The following GNG12 variants were observed in gnomAD, a reference collection of about 807,000 sequenced individuals.
The protein encoded by GNG12 is guanine nucleotide-binding protein G(I)/G(S)/G(O) subunit gamma-12.
For missense variants in GNG12, 69 were observed against 83.8 expected (o/e 0.82, Z 0.69); for synonymous variants, 28 against 29.7 (o/e 0.94, Z 0.19).
chr1:67,809,272 T>C (rs533981930), intron 1 of GNG12, among the ~76,000 whole-genome samples: 1 of 152,204 alleles, frequency 6.6e-6, no homozygotes, highest in Non-Finnish European at 1.5e-5. Context: ...ACCTATAGCC[T>C]TCACAAGAAT....
Position 67,704,799 on chromosome 1 carries a change from A to T in GNG12, c.*652T>A, listed in dbSNP as rs1646236641. The T allele has an allele frequency of 6.6e-6, 1 of 152,614 alleles. No homozygotes were observed. The highest frequency in any genetic ancestry group is 6.5e-5 in the Admixed American group (1 of 15,288). 9.5% of individuals were successfully genotyped at this position (152,614 alleles called of 1,614,324 possible). ...AGAGGAGAGATGATTGCATTACTTG[A>T]TTACAATGAATACAATCTTTAGGAT... On this transcript the variant is annotated 3_prime_UTR_variant, in exon 4 of 4. Coordinates refer to ENST00000370982, the MANE Select transcript of GNG12 (RefSeq NM_018841.6).
At chr1:67,823,248 C>T (rs1344682277) in intron 1 of GNG12, among the ~76,000 whole-genome samples, 2 of 152,040 alleles carry the variant, frequency 1.3e-5, no homozygotes, top group Non-Finnish European at 2.9e-5. Context: ...TATTCTCAAT[C>T]TCTCTCTTTT....
At chr1:67,718,730 A>T (rs1332494694) in intron 2 of GNG12, among the ~76,000 whole-genome samples, 1 of 151,906 alleles carries the variant, frequency 6.6e-6, no homozygotes, top group Non-Finnish European at 1.5e-5. Flanking sequence ...AATCTGATCT[A>T]CCCTGACCAC....
At chr1:67,705,719 T>C in intron 3 of GNG12, 143 bp from the exon 4 acceptor site, 1 of 1,361,922 alleles carries the variant, frequency 7.3e-7, no homozygotes, top group Non-Finnish European at 9.5e-7. Context: ...CTCAGATTCT[T>C]GTCAGGTATA....
intron 1 of GNG12, among the ~76,000 whole-genome samples, chr1:67,819,359 C>T (rs886633353): frequency 6.6e-6 from 1 of 152,150 alleles, no homozygotes; most frequent in Admixed American, 6.5e-5. Flanking sequence ...GAGCCTGAGA[C>T]AATCTACAGT....
chr1:67,768,848 T>C (rs1295882216), intron 2 of GNG12, among the ~76,000 whole-genome samples: 1 of 152,236 alleles, frequency 6.6e-6, no homozygotes, highest in East Asian at 1.9e-4. Context: ...ATTTCAAATA[T>C]ATATCTAGAT....
chr1:67,786,091 A>G (rs1646766066), intron 1 of GNG12, among the ~76,000 whole-genome samples: 1 of 152,204 alleles, frequency 6.6e-6, no homozygotes, highest in Admixed American at 6.6e-5. Context: ...CAAATTATGA[A>G]ATGAAAACAT....
At chr1:67,764,910 G>A (rs1646626943) in intron 2 of GNG12, among the ~76,000 whole-genome samples, 1 of 152,200 alleles carries the variant, frequency 6.6e-6, no homozygotes, top group Admixed American at 6.5e-5. Context: ...CCAGGAACTA[G>A]ACCTGGGAAA....
intron 2 of GNG12, among the ~76,000 whole-genome samples, chr1:67,766,413 A>G (rs1336291276): frequency 6.6e-6 from 1 of 151,974 alleles, no homozygotes; most frequent in East Asian, 1.9e-4. Flanking sequence ...TTCTCAATAC[A>G]TTTCACTTCG....
intron 2 of GNG12, among the ~76,000 whole-genome samples, chr1:67,722,191 G>C (rs779480896): frequency 6.6e-6 from 1 of 152,134 alleles, no homozygotes; most frequent in Non-Finnish European, 1.5e-5. Flanking sequence ...CTGGCACATG[G>C]TGCTGCATCC....
chr1:67,830,973 T>C (rs1453895100), intron 1 of GNG12, among the ~76,000 whole-genome samples: 1 of 152,244 alleles, frequency 6.6e-6, no homozygotes, highest in Non-Finnish European at 1.5e-5. Flanking sequence ...TTTCATATAC[T>C]TTCTGTAAAG....
chr1:67,711,208 C>T (rs1338240647), intron 2 of GNG12, among the ~76,000 whole-genome samples: 3 of 152,124 alleles, frequency 2.0e-5, no homozygotes, highest in Admixed American at 6.6e-5. Flanking sequence ...TTTGGGAAGT[C>T]GATTAAATGG....
At chr1:67,769,722 C>G (rs562751561) in intron 2 of GNG12, among the ~76,000 whole-genome samples, 2 of 152,264 alleles carry the variant, frequency 1.3e-5, no homozygotes, top group South Asian at 4.1e-4. Flanking sequence ...CTAAGCTTCG[C>G]TTTGGAATCT....
intron 2 of GNG12, among the ~76,000 whole-genome samples, chr1:67,733,792 G>A (rs979882006): frequency 6.6e-6 from 1 of 152,130 alleles, no homozygotes; most frequent in Non-Finnish European, 1.5e-5. Context: ...CCAACCAAAT[G>A]TTATCTGCCT....
At chr1:67,811,675 G>A (rs1485065080) in intron 1 of GNG12, among the ~76,000 whole-genome samples, 1 of 152,136 alleles carries the variant, frequency 6.6e-6, no homozygotes, top group East Asian at 1.9e-4. Context: ...CTGTTGCCCA[G>A]AGCAAGCTGT....
At chr1:67,748,897 G>A (rs555236083) in intron 2 of GNG12, among the ~76,000 whole-genome samples, 35 of 151,728 alleles carry the variant, frequency 2.3e-4, no homozygotes, top group Non-Finnish European at 4.7e-4. Context: ...TCATTACCAC[G>A]CATTCTTCCA....
chr1:67,735,234 A>G (rs1282957132), intron 2 of GNG12, among the ~76,000 whole-genome samples: 1 of 152,206 alleles, frequency 6.6e-6, no homozygotes, highest in Non-Finnish European at 1.5e-5. Flanking sequence ...AGTTCACACA[A>G]TGATAAGCAG....
chr1:67,769,255 G>A (rs111294068), intron 2 of GNG12, among the ~76,000 whole-genome samples: 2 of 152,118 alleles, frequency 1.3e-5, no homozygotes, highest in African/African-American at 2.4e-5. Flanking sequence ...TATACTCAGC[G>A]AGTGACCTAA....
chr1:67,811,802 C>T (rs114533983), intron 1 of GNG12, among the ~76,000 whole-genome samples: 11,401 of 152,202 alleles, frequency 0.075, 631 homozygotes, highest in Non-Finnish European at 0.099. Flanking sequence ...CAGCAGTAAG[C>T]AGTAGACATG....
Sources: allele counts gnomAD v4.1 joint callset (sites outside exome capture counted in the v4.1 genomes callset), GRCh38; gene constraint gnomAD v4.1.1; transcripts MANE v1.5; gene names NCBI Gene and HGNC (gene_info 2026-07-23, HGNC 2026-07-21).